The following TGFBR2 variants were observed in gnomAD, a reference collection of about 807,000 sequenced individuals.
The protein encoded by TGFBR2 is transforming growth factor beta receptor 2.
Under a neutral mutation model 49.0 loss-of-function variants are expected in TGFBR2, and 18 were observed. The observed-to-expected ratio is 0.37, with a 90% CI of 0.25 to 0.54. The LOEUF is 0.54. Among genes scored for constraint, TGFBR2 ranks in the 20% least tolerant of loss-of-function variants. The pLI is 0.85. For synonymous variants in TGFBR2, 282 were observed against 275.9 expected, an observed-to-expected ratio of 1.02 and a Z score of -0.22; for missense variants, 525 against 722.6, an observed-to-expected ratio of 0.73 and a Z score of 3.13.
At chr3:30,624,837 A>G (rs556234726) in intron 1 of TGFBR2, among the ~76,000 whole-genome samples, 1 of 152,104 alleles carries the variant, frequency 6.6e-6, no homozygotes, top group Admixed American at 6.5e-5. Context: ...TCTGTTTTCC[A>G]CCAGTGTTCT....
chr3:30,647,554 G>A (rs1234670973), intron 2 of TGFBR2, among the ~76,000 whole-genome samples: 1 of 137,804 alleles, frequency 7.3e-6, no homozygotes, highest in African/African-American at 2.9e-5. Flanking sequence ...ATCAGTTTTA[G>A]TGTTTTTTCA....
intron 1 of TGFBR2, among the ~76,000 whole-genome samples, chr3:30,624,722 G>A (rs547454613): frequency 6.6e-6 from 1 of 152,026 alleles, no homozygotes; most frequent in Non-Finnish European, 1.5e-5. Flanking sequence ...TTATATAAAT[G>A]TTATTTTTCT....
chr3:30,681,329 A>G (rs964214527), intron 5 of TGFBR2, among the ~76,000 whole-genome samples: 5 of 152,242 alleles, frequency 3.3e-5, no homozygotes, highest in Admixed American at 6.5e-5. Context: ...GAAAGCAGAT[A>G]TGAAAACTCG....
Position 30,650,476 on chromosome 3 carries a change from TTAAGGGTGTGG to T in TGFBR2, c.454+17_454+27del, listed in dbSNP as rs770927128. The stretch of plus-strand genomic sequence containing the variant: ...TTCTCAGAAGGTGAGTTTTCTTCTC[TTAAGGGTGTGG>T]GACCTGAGATCTGTGCCAATTTTTT... On this transcript the variant is annotated intron_variant, in intron 3 of 6. Coordinates refer to ENST00000295754, the MANE Select transcript of TGFBR2 (RefSeq NM_003242.6). The T allele has an allele frequency of 6.2e-6, 10 of 1,613,836 alleles. No individual in the cohort carries two copies. Among genetic ancestry groups the T allele is most frequent in the Non-Finnish European group, 8.5e-6 (10 of 1,179,782 alleles).
At chr3:30,661,486 C>G in intron 3 of TGFBR2, 1 of 452,122 alleles carries the variant, frequency 2.2e-6, no homozygotes, top group Non-Finnish European at 4.4e-6. Context: ...AAGGCTGAAT[C>G]AGGGTTTTAA....
chr3:30,688,135 TCCCC>T (rs1559472231), intron 5 of TGFBR2, among the ~76,000 whole-genome samples: 3 of 152,318 alleles, frequency 2.0e-5, no homozygotes, highest in Non-Finnish European at 4.4e-5. Flanking sequence ...GTCCACTGTG[TCCCC>T]CAGCGTAACA....
intron 1 of TGFBR2, among the ~76,000 whole-genome samples, chr3:30,623,660 G>T (rs1256845532): frequency 6.6e-6 from 1 of 152,192 alleles, no homozygotes; most frequent in Non-Finnish European, 1.5e-5. Context: ...ATGTGTAAAA[G>T]GCTATGCCAG....
intron 5 of TGFBR2, among the ~76,000 whole-genome samples, chr3:30,684,572 G>A (rs1403182705): frequency 6.6e-6 from 1 of 152,172 alleles, no homozygotes; most frequent in African/African-American, 2.4e-5. Flanking sequence ...AGCTTAGGAG[G>A]AGGCAGAAGA....
At chr3:30,634,357 C>T (rs1197073930) in intron 1 of TGFBR2, among the ~76,000 whole-genome samples, 1 of 152,198 alleles carries the variant, frequency 6.6e-6, no homozygotes, top group Non-Finnish European at 1.5e-5. Flanking sequence ...AAATGAATAA[C>T]TTAATTAAAA....
At chr3:30,674,012 C>T (rs1454453175) in intron 4 of TGFBR2, 93 bp from the exon 5 acceptor site, 3 of 1,489,862 alleles carry the variant, frequency 2.0e-6, no homozygotes, top group South Asian at 2.3e-5. Context: ...AAAAAATCCT[C>T]TGCACGTGTC....
rs758930959 is a variant in TGFBR2 at position 30,677,731 on chromosome 3, T to C, written c.1396+3485T>C. On this transcript the variant is annotated intron_variant, in intron 5 of 6. Coordinates refer to ENST00000295754, the MANE Select transcript of TGFBR2 (RefSeq NM_003242.6). ...GACAGATGGATTCCCTCCAACTGCA[T>C]TCATCTTGATGTTGTCCCTGCTGTA... is the stretch of plus-strand genomic sequence containing the variant. 1.1e-3 allele frequency among the ~76,000 whole-genome samples: 166 copies of C among 152,194 alleles called. 5 individuals are homozygous for C. Among genetic ancestry groups the C allele is most frequent in the Non-Finnish European group, 3.2e-4 (22 of 68,034 alleles).
At chr3:30,653,567 A>C (rs1012649139) in intron 3 of TGFBR2, among the ~76,000 whole-genome samples, 1 of 152,082 alleles carries the variant, frequency 6.6e-6, no homozygotes, top group Non-Finnish European at 1.5e-5. Flanking sequence ...GAAAACTCTT[A>C]ATGTTGATTT....
intron 3 of TGFBR2, among the ~76,000 whole-genome samples, chr3:30,665,870 A>G (rs1194304408): frequency 6.6e-6 from 1 of 152,230 alleles, no homozygotes; most frequent in Non-Finnish European, 1.5e-5. Context: ...ATTTCAAAGA[A>G]AACCAATTAC....
intron 1 of TGFBR2, among the ~76,000 whole-genome samples, chr3:30,641,970 T>A (rs559846429): frequency 3.4e-4 from 51 of 151,982 alleles, no homozygotes; most frequent in Non-Finnish European, 5.7e-4. Context: ...CTTCTAATGG[T>A]CCTTTTTTCT....
At chr3:30,613,669 T>C (rs1017361853) in intron 1 of TGFBR2, among the ~76,000 whole-genome samples, 1 of 152,188 alleles carries the variant, frequency 6.6e-6, no homozygotes, top group Admixed American at 6.5e-5. Context: ...CTCAGGATGA[T>C]GTCTCTCTTT....
chr3:30,671,528 A>G (rs1699336728), intron 3 of TGFBR2, 110 bp from the exon 4 acceptor site: 1 of 1,122,678 alleles, frequency 8.9e-7, no homozygotes, highest in Non-Finnish European at 1.3e-6. Flanking sequence ...CGTATCTACA[A>G]AAACTATGCA....
At chr3:30,650,207 A>T (rs2125409588) in intron 2 of TGFBR2, 63 bp from the exon 3 acceptor site, 1 of 1,521,270 alleles carries the variant, frequency 6.6e-7, no homozygotes, top group Middle Eastern at 1.7e-4. Flanking sequence ...AGGCCATATT[A>T]TTCATTTATT....
At chr3:30,677,606 T>C (rs1468865814) in intron 5 of TGFBR2, among the ~76,000 whole-genome samples, 1 of 152,270 alleles carries the variant, frequency 6.6e-6, no homozygotes. Context: ...CTTTTTGGCA[T>C]GTCTCAAAAA....
chr3:30,674,701 C>CA (rs368309025), intron 5 of TGFBR2, among the ~76,000 whole-genome samples: 3,465 of 146,636 alleles, frequency 0.024, 131 homozygotes, highest in African/African-American at 0.081. Flanking sequence ...TTTTATTGGG[C>CA]AAAAAAAAAA....
Sources: allele counts gnomAD v4.1 joint callset (sites outside exome capture counted in the v4.1 genomes callset), GRCh38; gene constraint gnomAD v4.1.1; transcripts MANE v1.5; gene names NCBI Gene and HGNC (gene_info 2026-07-23, HGNC 2026-07-21).